LACRT: variants seen among roughly 807,000 people sequenced by gnomAD.
LACRT encodes extracellular glycoprotein lacritin.
LACRT carries 14 observed loss-of-function variants against 14.5 expected under a neutral mutation model. That is an observed-to-expected ratio of 0.96 (90% CI 0.64 to 1.51). The LOEUF is 1.51. Ranked by LOEUF, LACRT falls within the 40% of genes most tolerant of loss-of-function variation. LACRT has a pLI of 0.00. For synonymous variants in LACRT, 70 were observed against 63.5 expected, an observed-to-expected ratio of 1.10 and a Z score of -0.48; for missense variants, 156 against 161.8, an observed-to-expected ratio of 0.96 and a Z score of 0.19.
Position 54,633,138 on chromosome 12 carries a change from C to T in LACRT, c.112+42G>A, listed in dbSNP as rs530327222. 5.6e-6 allele frequency: 9 copies of T among 1,598,814 alleles called. No homozygotes were observed. The African/African-American group carries it at 1.1e-4, about 19-fold the overall frequency. ...CCACTCACATCCCTAACTGTTAAACCTTCCCAACGAGGGCTAGGGCAGCAG... is the reference window on the plus strand; with the variant it reads ...CCACTCACATCCCTAACTGTTAAACTTTCCCAACGAGGGCTAGGGCAGCAG... On this transcript the variant is annotated intron_variant, in intron 2 of 4. Transcript: ENST00000257867.
At chr12:54,632,922 C>A (rs1043684541) in intron 2 of LACRT, among the ~76,000 whole-genome samples, 1 of 152,028 alleles carries the variant, frequency 6.6e-6, no homozygotes, top group Non-Finnish European at 1.5e-5. Context: ...CCTCATGTTT[C>A]TCTCCCTTTT....
chr12:54,634,759 G>A, intron 1 of LACRT, 25 bp downstream of exon 1: 1 of 1,607,882 alleles, frequency 6.2e-7, no homozygotes, highest in Non-Finnish European at 8.5e-7. Context: ...ACTCTTGTGG[G>A]GCGCAGAGGA....
intron 1 of LACRT, among the ~76,000 whole-genome samples, 182 bp downstream of exon 1, chr12:54,634,602 T>A (rs2121273559): frequency 6.6e-6 from 1 of 150,822 alleles, no homozygotes; most frequent in South Asian, 2.1e-4. Context: ...GGCCAGAGAG[T>A]TCTGGGTTCC....
At chr12:54,632,544 T>C (rs1958159920) in intron 2 of LACRT, among the ~76,000 whole-genome samples, 163 bp from the exon 3 acceptor site, 1 of 152,208 alleles carries the variant, frequency 6.6e-6, no homozygotes, top group Non-Finnish European at 1.5e-5. Flanking sequence ...TTCTGCATGC[T>C]GTGTGTCTCT....
chr12:54,630,957 G>C lies in LACRT; in HGVS notation c.356-4C>G. The stretch of plus-strand genomic sequence containing the variant: ...TTTTGTGCAAATTCACTTCCATCTA[G>C]AAGGAAAGATGAGACAAATGAGGCT... On this transcript the variant is annotated splice_polypyrimidine_tract_variant and splice_region_variant and intron_variant, in intron 4 of 4. Transcript: ENST00000257867. 6.2e-7 allele frequency: 1 copy of C among 1,603,986 alleles called. No individual in the cohort carries two copies. The highest frequency in any genetic ancestry group is 8.5e-7 in the Non-Finnish European group (1 of 1,172,020).
At chr12:54,634,085 G>A (rs953066132) in intron 1 of LACRT, among the ~76,000 whole-genome samples, 1 of 152,072 alleles carries the variant, frequency 6.6e-6, no homozygotes, top group Non-Finnish European at 1.5e-5. Flanking sequence ...GGGCACGGTG[G>A]CTCACGCCTG....
chr12:54,631,884 A>G (rs779505333), intron 3 of LACRT, 45 bp from the exon 4 acceptor site: 2 of 1,359,990 alleles, frequency 1.5e-6, no homozygotes, highest in Non-Finnish European at 2.1e-6. Context: ...AAATCACCTC[A>G]TTTAAAGAGA....
intron 4 of LACRT, 144 bp downstream of exon 4, chr12:54,631,594 G>C (rs1958152121): frequency 1.5e-6 from 1 of 664,744 alleles, no homozygotes; most frequent in Admixed American, 2.5e-5. Context: ...CAAAGTGAGG[G>C]GTCTTCAACA....
intron 2 of LACRT, 22 bp from the exon 3 acceptor site, chr12:54,632,403 G>A (rs1405050586): frequency 6.2e-7 from 1 of 1,611,634 alleles, no homozygotes; most frequent in Admixed American, 1.7e-5. Flanking sequence ...CAAATTGATG[G>A]ATTTTAGCAA....
At chr12:54,632,565 C>T (rs1385382765) in intron 2 of LACRT, among the ~76,000 whole-genome samples, 184 bp from the exon 3 acceptor site, 3 of 152,002 alleles carry the variant, frequency 2.0e-5, no homozygotes, top group East Asian at 1.9e-4. Flanking sequence ...TGGAATGCAG[C>T]GGGCAGGGTT....
intron 2 of LACRT, among the ~76,000 whole-genome samples, chr12:54,632,963 A>C (rs901354361): frequency 4.0e-5 from 6 of 151,874 alleles, no homozygotes; most frequent in Admixed American, 6.6e-5. Context: ...CATGCTCCCT[A>C]TTGTCCTTGC....
chr12:54,633,195 G>A lies in LACRT; in HGVS notation c.97C>T (p.Gln33Ter). Residue 33 changes from glutamine (Q) to a stop codon, truncating the protein, a stop_gained, in exon 2 of 5, where the codon CAG (glutamine) becomes TAG (stop). Transcript: ENST00000257867. LOFTEE classifies it high-confidence loss of function. ...GAGGACTCACAGGTCCCAGCTTCCT[G>A]GGCAGGATCAGCACCCGTCGAGTCA... is the stretch of plus-strand genomic sequence containing the variant. ...SSDSTGADPA[Q>*]EAGTSKPNEE... 6.2e-7 allele frequency: 1 copy of A among 1,613,918 alleles called. No individual in the cohort carries two copies. The highest frequency in any genetic ancestry group is 8.5e-7 in the Non-Finnish European group (1 of 1,179,922).
chr12:54,630,902 G>T lies in LACRT; in HGVS notation c.407C>A (p.Pro136Gln), dbSNP rs138400091. 2.9e-5 allele frequency: 47 copies of T among 1,608,804 alleles called. No individual in the cohort carries two copies. The African/African-American group carries it at 6.1e-4, about 21-fold the overall frequency. ...KLLKKFSLLK[P>Q]WA ...ATTCTTTTCAGCTTCTCATGCCCAT[G>T]GTTTTAATAGACTGAATTTCTTCAG... Residue 136 changes from proline (P) to glutamine (Q), a missense_variant, in exon 5 of 5, where the codon CCA becomes CAA. By Grantham distance (76) the Pro-to-Gln change is moderately conservative. Coordinates refer to ENST00000257867, the MANE Select transcript of LACRT (RefSeq NM_033277.2).
intron 2 of LACRT, 112 bp from the exon 3 acceptor site, chr12:54,632,493 G>T (rs1958159590): frequency 1.6e-6 from 2 of 1,270,088 alleles, no homozygotes; most frequent in African/African-American, 1.5e-5. Context: ...GGATACAGAA[G>T]TGATATGGCT....
chr12:54,631,548 T>A, intron 4 of LACRT, among the ~76,000 whole-genome samples, 190 bp downstream of exon 4: 1 of 152,060 alleles, frequency 6.6e-6, no homozygotes, highest in Non-Finnish European at 1.5e-5. Flanking sequence ...GCTGGCAATT[T>A]GAATCTGGAT....
chr12:54,633,366 T>A, intron 1 of LACRT, 133 bp from the exon 2 acceptor site: 1 of 769,312 alleles, frequency 1.3e-6, no homozygotes, highest in South Asian at 1.7e-5. Flanking sequence ...TCCCTTTGGG[T>A]TGGACATGCC....
intron 1 of LACRT, among the ~76,000 whole-genome samples, chr12:54,634,019 G>T (rs1958170932): frequency 6.6e-6 from 1 of 152,120 alleles, no homozygotes; most frequent in Non-Finnish European, 1.5e-5. Flanking sequence ...TCAAGGAACA[G>T]CAGGATCATC....
intron 3 of LACRT, 37 bp from the exon 4 acceptor site, chr12:54,631,876 A>G: frequency 6.8e-7 from 1 of 1,477,772 alleles, no homozygotes; most frequent in South Asian, 1.1e-5. Context: ...CAGCAGAAAA[A>G]TCACCTCATT....
Position 54,632,290 on chromosome 12 carries a change from A to G in LACRT, c.204T>C (p.Val68=). 6.2e-7 allele frequency: 1 copy of G among 1,614,046 alleles called. No homozygotes were observed. The highest frequency in any genetic ancestry group is 8.5e-7 in the Non-Finnish European group (1 of 1,179,990). The change falls in exon 3 of 5, where the codon GTT becomes GTC. Residue 68 remains valine (V), a synonymous_variant. Transcript: ENST00000257867. The part of the protein sequence containing the change: ...TTAQETSAAA[V]QGTAKVTSSR... ...TTGAGGTGACCTTGGCTGTCCCCTG[A>G]ACTGCTGCCGCCGAAGTCTCCTGGG...
Sources: allele counts gnomAD v4.1 joint callset (sites outside exome capture counted in the v4.1 genomes callset), GRCh38; gene constraint gnomAD v4.1.1; transcripts MANE v1.5; gene names NCBI Gene and HGNC (gene_info 2026-07-23, HGNC 2026-07-21).